NFYC: variants seen among roughly 807,000 people sequenced by gnomAD.
NFYC encodes nuclear transcription factor Y subunit gamma.
NFYC carries 25 observed loss-of-function variants against 53.1 expected under a neutral mutation model. That is an observed-to-expected ratio of 0.47 (90% CI 0.34 to 0.66). NFYC has a LOEUF of 0.66. Among genes scored for constraint, NFYC ranks in the 30% least tolerant of loss-of-function variants. The pLI is 0.01. For missense variants in NFYC, 260 were observed against 422.7 expected (o/e 0.62, Z 3.38); for synonymous variants, 145 against 152.6 (o/e 0.95, Z 0.37).
At chr1:40,747,194 C>A (rs1382368565) in intron 2 of NFYC, among the ~76,000 whole-genome samples, 1 of 50,766 alleles carries the variant, frequency 2.0e-5, no homozygotes, top group African/African-American at 6.8e-5. Flanking sequence ...GGTAAACTTA[C>A]TTGGAAAAAA....
intron 1 of NFYC, among the ~76,000 whole-genome samples, chr1:40,737,123 G>C (rs1645068974): frequency 2.7e-5 from 2 of 73,650 alleles, no homozygotes; most frequent in South Asian, 4.6e-4. Context: ...GCGAAACTCT[G>C]TCTCAAAAAA....
chr1:40,725,970 C>G (rs545830189), intron 1 of NFYC, among the ~76,000 whole-genome samples: 2 of 152,108 alleles, frequency 1.3e-5, no homozygotes, highest in African/African-American at 4.8e-5. Context: ...GGTAAAAATG[C>G]AAATTATCAT....
chr1:40,769,230 T>G, intron 8 of NFYC, 126 bp from the exon 9 acceptor site: 1 of 880,558 alleles, frequency 1.1e-6, no homozygotes, highest in Non-Finnish European at 1.9e-6. Flanking sequence ...TTACTACCCA[T>G]TGAGCACCTG....
chr1:40,730,190 CTTTTCTTTTTTT>C (rs1644701845), intron 1 of NFYC, among the ~76,000 whole-genome samples: 1 of 128,052 alleles, frequency 7.8e-6, no homozygotes, highest in South Asian at 2.5e-4. Flanking sequence ...ATTTTTCTTT[CTTTTCTTTTTTT>C]TTTTTTTTTT....
chr1:40,752,897 T>C (rs1042921352), intron 4 of NFYC, among the ~76,000 whole-genome samples: 3 of 151,632 alleles, frequency 2.0e-5, no homozygotes, highest in Non-Finnish European at 4.4e-5. Flanking sequence ...CAAGCAGGAG[T>C]AGCAGTGGTT....
chr1:40,738,127 C>G (rs1645151343), intron 1 of NFYC, among the ~76,000 whole-genome samples: 1 of 152,026 alleles, frequency 6.6e-6, no homozygotes, highest in African/African-American at 2.4e-5. Context: ...TGGTCTCGAT[C>G]TCCTGACCTT....
Position 40,766,612 on chromosome 1 carries a change from G to C in NFYC, c.737G>C (p.Gly246Ala). ...CTGCCCTAGGTGCAGCTGAATGCCGGCCAGCTGCAGTATATCCGCTTAGCC... is the reference window on the plus strand; with the variant it reads ...CTGCCCTAGGTGCAGCTGAATGCCGCCCAGCTGCAGTATATCCGCTTAGCC... ...IQQIPVQLNA[G>A]QLQYIRLAQP... is the part of the protein sequence containing the mutation. The change falls in exon 8 of 10, where the codon GGC becomes GCC. Residue 246 changes from glycine to alanine, a missense_variant. Transcript: ENST00000447388. The C allele has an allele frequency of 6.2e-7, 1 of 1,613,872 alleles. No individual in the cohort carries two copies. The highest frequency in any genetic ancestry group is 1.1e-5 in the South Asian group (1 of 91,056).
At chr1:40,703,006 G>A (rs555532593) in intron 1 of NFYC, among the ~76,000 whole-genome samples, 6 of 151,926 alleles carry the variant, frequency 3.9e-5, no homozygotes, top group Non-Finnish European at 8.8e-5. Flanking sequence ...TAGTGGAGAC[G>A]GGGTTTCCCC....
At chr1:40,736,977 AT>A (rs889957929) in intron 1 of NFYC, among the ~76,000 whole-genome samples, 3 of 151,936 alleles carry the variant, frequency 2.0e-5, no homozygotes, top group African/African-American at 7.3e-5. Flanking sequence ...AATATAAAAA[AT>A]TAGCTAGGCG....
intron 6 of NFYC, 117 bp downstream of exon 6, chr1:40,758,411 A>G: frequency 8.4e-7 from 1 of 1,191,856 alleles, no homozygotes. Context: ...CTGGATTTAA[A>G]GTCTGGAAAC....
At chr1:40,744,040 A>G (rs1306811015) in intron 2 of NFYC, among the ~76,000 whole-genome samples, 1 of 152,160 alleles carries the variant, frequency 6.6e-6, no homozygotes, top group East Asian at 1.9e-4. Flanking sequence ...ACAGACCGGT[A>G]TGGGTCCATG....
At chr1:40,736,675 A>G (rs11208791) in intron 1 of NFYC, among the ~76,000 whole-genome samples, 75,788 of 151,890 alleles carry the variant, frequency 0.5, 19,868 homozygotes, top group Non-Finnish European at 0.59. Context: ...AAGACATTAC[A>G]ATACAGGTTG....
At chr1:40,721,270 A>G (rs1338996606) in intron 1 of NFYC, among the ~76,000 whole-genome samples, 1 of 152,224 alleles carries the variant, frequency 6.6e-6, no homozygotes, top group African/African-American at 2.4e-5. Flanking sequence ...AGCCTTAAAC[A>G]TTGGTTTCAA....
At chr1:40,745,241 T>TA (rs2148651303) in intron 2 of NFYC, among the ~76,000 whole-genome samples, 1 of 152,296 alleles carries the variant, frequency 6.6e-6, no homozygotes, top group African/African-American at 2.4e-5. Flanking sequence ...TTTAGTTAAG[T>TA]AATCATGGAA....
chr1:40,770,347 G>T lies in NFYC; in HGVS notation c.889-362G>T. The stretch of plus-strand genomic sequence containing the variant: ...GATTACCAAGAGTTGGGGAAATGCT[G>T]ACTTCCAAGCTGCTGGTACAGTGGT... On this transcript the variant is annotated intron_variant, in intron 9 of 9. Coordinates refer to ENST00000447388, the MANE Select transcript of NFYC (RefSeq NM_014223.5). The surrounding 1 kb of genome is among the most constrained non-coding windows in gnomAD (Gnocchi z 5.3). 1 of 1,495,238 alleles carries T rather than the reference G, an allele frequency of 6.7e-7. No individual in the cohort carries two copies. Among genetic ancestry groups the T allele is most frequent in the South Asian group, 1.3e-5 (1 of 76,910 alleles). 92.6% of individuals were successfully genotyped at this position (1,495,238 alleles called of 1,614,324 possible).
chr1:40,724,433 C>T (rs1210251654), intron 1 of NFYC, among the ~76,000 whole-genome samples: 1 of 152,184 alleles, frequency 6.6e-6, no homozygotes, highest in Non-Finnish European at 1.5e-5. Context: ...TTTCTAAAAA[C>T]AGGCTGTAGG....
chr1:40,747,871 T>G (rs1645697663), intron 3 of NFYC, among the ~76,000 whole-genome samples: 1 of 151,380 alleles, frequency 6.6e-6, no homozygotes, highest in Non-Finnish European at 1.5e-5. Context: ...AGTTTTACTC[T>G]GTTATCCAGG....
chr1:40,733,579 A>G (rs974908405), intron 1 of NFYC, among the ~76,000 whole-genome samples: 1 of 150,314 alleles, frequency 6.7e-6, no homozygotes, highest in Non-Finnish European at 1.5e-5. Flanking sequence ...TATTATTATA[A>G]TTTTTTTGAG....
In NFYC at chr1:40,771,364, C is replaced by G. The variant is rs900080057; in HGVS notation, c.*536C>G. ...CATCCCTTGCTCTGACCCCAGAGCT[C>G]TGTGTATTTGCATCCAGAGGCCATG... On this transcript the variant is annotated 3_prime_UTR_variant, in exon 10 of 10. Transcript: ENST00000447388. 3 of 463,278 alleles carry G rather than the reference C, an allele frequency of 6.5e-6. No individual in the cohort carries two copies. Among genetic ancestry groups the G allele is most frequent in the Admixed American group, 4.8e-5 (2 of 41,410 alleles). The allele number at this position is 463,278 out of a possible 1,614,324, so 28.7% of individuals were successfully genotyped here.
Sources: gnomAD v4.1 joint callset for allele counts (sites outside exome capture counted in the v4.1 genomes callset) on GRCh38, gnomAD v4.1.1 for gene constraint, Gnocchi (gnomAD v3.1) non-coding constraint, MANE v1.5 for transcripts, NCBI Gene and HGNC (gene_info 2026-07-23, HGNC 2026-07-21) for gene names.